The following UTP20 variants were observed in gnomAD, a reference collection of about 807,000 sequenced individuals.
UTP20 encodes the protein small subunit processome component 20 homolog.
UTP20 carries 164 observed loss-of-function variants against 329.5 expected under a neutral mutation model. The observed-to-expected ratio is 0.50, with a 90% CI of 0.44 to 0.57. The LOEUF is 0.57. Ranked by LOEUF, UTP20 falls within the 20% of genes least tolerant of loss-of-function variation. The pLI is 0.00. For missense variants in UTP20, 3,055 were observed against 3,284.2 expected (o/e 0.93, Z 1.71); for synonymous variants, 1,151 against 1,159.3 (o/e 0.99, Z 0.14).
At position 101,295,508 on chromosome 12, in the gene UTP20, T is replaced by C. The variant is rs1872318589; in HGVS notation, c.1280T>C (p.Ile427Thr). The C allele has an allele frequency of 6.2e-7, 1 of 1,608,910 alleles. No individual in the cohort carries two copies. The highest frequency in any genetic ancestry group is 8.5e-7 in the Non-Finnish European group (1 of 1,177,622). The change falls in exon 12 of 62, where the codon ATT becomes ACT. Residue 427 changes from isoleucine (I) to threonine (T), a missense_variant. Ile to Thr is a moderately conservative substitution (Grantham distance 89). Coordinates refer to ENST00000261637, the MANE Select transcript of UTP20 (RefSeq NM_014503.3). ...QLFLPSFLSY[I>T]VNCFLIDDAV... Reference sequence around the variant, plus strand: ...TTTCTACCAAGCTTTCTGTCATATATTGTGAATTGCTTCTTAATTGATGAT... The same window carrying C: ...TTTCTACCAAGCTTTCTGTCATATACTGTGAATTGCTTCTTAATTGATGAT...
rs1227086121 is a variant in UTP20 at position 101,280,225 on chromosome 12, T to C, written c.-58T>C. 1 of 1,547,712 alleles carries C rather than the reference T, an allele frequency of 6.5e-7. No homozygotes were observed. The highest frequency in any genetic ancestry group is 8.7e-7 in the Non-Finnish European group (1 of 1,143,932). On this transcript the variant is annotated 5_prime_UTR_variant, in exon 1 of 62. Coordinates refer to ENST00000261637, the MANE Select transcript of UTP20 (RefSeq NM_014503.3). Reference sequence around the variant, plus strand: ...GTGAGCCGCTTTCCCCTCCTTACTGTCGGTTGCATCCCTTCGACACTCCCG... The same window carrying C: ...GTGAGCCGCTTTCCCCTCCTTACTGCCGGTTGCATCCCTTCGACACTCCCG...
intron 14 of UTP20, among the ~76,000 whole-genome samples, chr12:101,300,825 T>G (rs549914716): frequency 6.6e-6 from 1 of 152,322 alleles, no homozygotes; most frequent in East Asian, 1.9e-4. Flanking sequence ...GCATGTCAAG[T>G]GCTCTGTAGC....
intron 10 of UTP20, 109 bp from the exon 11 acceptor site, chr12:101,293,059 A>G (rs1872219721): frequency 9.2e-7 from 1 of 1,089,276 alleles, no homozygotes; most frequent in Non-Finnish European, 1.4e-6. Flanking sequence ...GCAACTGGAC[A>G]GAGCACTGAG....
chr12:101,367,268 T>A lies in UTP20; in HGVS notation c.6267+569T>A, dbSNP rs182253139. ...CCACTGCACTCCAATATGGACAATA[T>A]AGTGAGACCCTGTCTCTAAAAAATA... On this transcript the variant is annotated intron_variant, in intron 47 of 61. Coordinates refer to ENST00000261637, the MANE Select transcript of UTP20 (RefSeq NM_014503.3). 3.5e-3 allele frequency among the ~76,000 whole-genome samples: 529 copies of A among 152,166 alleles called. 6 individuals are homozygous for A. Among genetic ancestry groups the A allele is most frequent in the South Asian group, 0.021 (99 of 4,816 alleles).
intron 45 of UTP20, among the ~76,000 whole-genome samples, chr12:101,364,957 G>C (rs1870044247): frequency 1.3e-5 from 2 of 152,098 alleles, no homozygotes; most frequent in Admixed American, 6.6e-5. Context: ...TGCTGATCCT[G>C]GTTCCCATTA....
Position 101,285,896 on chromosome 12 carries a change from G to C in UTP20, c.326+15G>C, listed in dbSNP as rs773858675. On this transcript the variant is annotated intron_variant, in intron 4 of 61. Transcript: ENST00000261637. ...CCCCTTTTGGAGTAAGTAGCATCTT[G>C]AGAGAAAGCTCACAACTATATTTGC... 1 of 1,611,406 alleles carries C rather than the reference G, an allele frequency of 6.2e-7. No individual in the cohort carries two copies. Among genetic ancestry groups the C allele is most frequent in the Non-Finnish European group, 8.5e-7 (1 of 1,178,980 alleles).
chr12:101,364,529 T>C (rs1041134881), intron 45 of UTP20, among the ~76,000 whole-genome samples: 4 of 152,234 alleles, frequency 2.6e-5, no homozygotes, highest in Non-Finnish European at 5.9e-5. Flanking sequence ...GTTCCAGATC[T>C]TTCTGATCCA....
chr12:101,299,169 A>C (rs1872448795), intron 12 of UTP20, among the ~76,000 whole-genome samples: 1 of 152,210 alleles, frequency 6.6e-6, no homozygotes, highest in Admixed American at 6.5e-5. Context: ...ACAGATATTC[A>C]AAACAGAATG....
At position 101,346,596 on chromosome 12, in the gene UTP20, A is replaced by C. The variant is rs200946637; in HGVS notation, c.4884+8A>C. 6.3e-7 allele frequency: 1 copy of C among 1,574,952 alleles called. No homozygotes were observed. Among genetic ancestry groups the C allele is most frequent in the Non-Finnish European group, 8.6e-7 (1 of 1,164,594 alleles). On this transcript the variant is annotated splice_region_variant and intron_variant, in intron 38 of 61. Coordinates refer to ENST00000261637, the MANE Select transcript of UTP20 (RefSeq NM_014503.3). Reference sequence around the variant, plus strand: ...GATGAGAAAATGCTCAAGGTAGGTCATTAGATCTAGAAACCAAGGACCCTC... The same window carrying C: ...GATGAGAAAATGCTCAAGGTAGGTCCTTAGATCTAGAAACCAAGGACCCTC...
At chr12:101,283,737 A>T (rs1041967122) in intron 2 of UTP20, among the ~76,000 whole-genome samples, 1 of 152,208 alleles carries the variant, frequency 6.6e-6, no homozygotes, top group South Asian at 2.1e-4. Flanking sequence ...AAAAATAGAG[A>T]TAGGATCTCG....
At chr12:101,366,417 G>A in intron 46 of UTP20, 141 bp from the exon 47 acceptor site, 2 of 919,982 alleles carry the variant, frequency 2.2e-6, no homozygotes, top group Non-Finnish European at 3.3e-6. Context: ...TCATGGTTTG[G>A]GGGTTTGGGG....
chr12:101,344,769 T>C lies in UTP20; in HGVS notation c.4605+19T>C. On this transcript the variant is annotated intron_variant, in intron 36 of 61. Transcript: ENST00000261637. ...GACAGAGGTATATAACTTTGTGTTT[T>C]AGGCACTACTGTCTGAGGCTGTGTT... 1 of 1,609,252 alleles carries C rather than the reference T, an allele frequency of 6.2e-7. No homozygotes were observed. The highest frequency in any genetic ancestry group is 1.1e-5 in the South Asian group (1 of 90,726).
chr12:101,292,643 AAGAG>A (rs1232897880), intron 10 of UTP20, among the ~76,000 whole-genome samples: 4 of 152,192 alleles, frequency 2.6e-5, no homozygotes, highest in African/African-American at 9.7e-5. Context: ...TAAAAATACT[AAGAG>A]AGGGAACAGA....
In UTP20 at chr12:101,317,774, C is replaced by T. The variant is rs538143877; in HGVS notation, c.2738+111C>T. On this transcript the variant is annotated intron_variant, in intron 22 of 61. Coordinates refer to ENST00000261637, the MANE Select transcript of UTP20 (RefSeq NM_014503.3). ...CTACTCAGATAATTATTTACGTAAG[C>T]GCTACATCTTCCTGGGATTTTCTTT... The T allele has an allele frequency of 1.8e-4, 208 of 1,171,806 alleles. 1 individual carries two copies. Among genetic ancestry groups the T allele is most frequent in the African/African-American group, 5.5e-4 (35 of 64,196 alleles). The allele number at this position is 1,171,806 out of a possible 1,614,324, so 72.6% of individuals were successfully genotyped here.
chr12:101,379,272 C>T (rs767726132), intron 56 of UTP20, 99 bp from the exon 57 acceptor site: 12 of 1,142,060 alleles, frequency 1.1e-5, no homozygotes, highest in Non-Finnish European at 1.4e-5. Flanking sequence ...TGGTTCCCCA[C>T]TCCAAACACA....
chr12:101,325,044 T>A (rs1868508305), intron 25 of UTP20, among the ~76,000 whole-genome samples: 1 of 152,204 alleles, frequency 6.6e-6, no homozygotes, highest in African/African-American at 2.4e-5. Flanking sequence ...TTCTTGTATT[T>A]TCTCTATTAA....
At chr12:101,358,257 CCAATT>C (rs1869793205) in intron 43 of UTP20, among the ~76,000 whole-genome samples, 2 of 152,196 alleles carry the variant, frequency 1.3e-5, no homozygotes, top group Non-Finnish European at 2.9e-5. Context: ...CAGTATTTTA[CCAATT>C]CAAGTGGAAT....
chr12:101,284,417 C>T lies in UTP20; in HGVS notation c.127-1153C>T, dbSNP rs1048064870. The stretch of plus-strand genomic sequence containing the variant: ...TGTATCCATGTTGCTGCAAAGGACA[C>T]GATTTCATTCTTTTTTAAGGCATAT... On this transcript the variant is annotated intron_variant, in intron 2 of 61. Transcript: ENST00000261637. 4.5e-4 allele frequency among the ~76,000 whole-genome samples: 68 copies of T among 151,998 alleles called. 1 individual carries two copies. Among genetic ancestry groups the T allele is most frequent in the Admixed American group, 1.2e-3 (18 of 15,266 alleles).
Position 101,295,644 on chromosome 12 carries a change from A to G in UTP20, c.1416A>G (p.Ser472=). 6.2e-7 allele frequency: 1 copy of G among 1,604,240 alleles called. No individual in the cohort carries two copies. Among genetic ancestry groups the G allele is most frequent in the Non-Finnish European group, 8.5e-7 (1 of 1,173,470 alleles). ...MAIEKYPLVF[S]PQMVGFYIKQ... is the part of the protein sequence containing the mutation. ...TTGAAAAGTACCCTCTGGTTTTCTCACCGCAGATGGTGGGGTGAGTTCTAA... is the reference window on the plus strand; with the variant it reads ...TTGAAAAGTACCCTCTGGTTTTCTCGCCGCAGATGGTGGGGTGAGTTCTAA... Residue 472 remains serine, a synonymous_variant, in exon 12 of 62, where the codon TCA becomes TCG. Coordinates refer to ENST00000261637, the MANE Select transcript of UTP20 (RefSeq NM_014503.3).
Sources: allele counts gnomAD v4.1 joint callset (sites outside exome capture counted in the v4.1 genomes callset), GRCh38; gene constraint gnomAD v4.1.1; transcripts MANE v1.5; gene names NCBI Gene and HGNC (gene_info 2026-07-23, HGNC 2026-07-21).